The following NAALADL2 variants were observed in gnomAD, a reference collection of about 807,000 sequenced individuals.
NAALADL2 encodes inactive N-acetylated-alpha-linked acidic dipeptidase-like protein 2.
A neutral mutation model predicts 87.2 loss-of-function variants in NAALADL2; 76 were observed. The observed-to-expected ratio is 0.87, with a 90% CI of 0.72 to 1.05. The LOEUF is 1.05. NAALADL2 is among the 50% of genes least tolerant of loss of function. The pLI, the probability that NAALADL2 is intolerant of heterozygous loss-of-function variation, is 0.00. For synonymous variants in NAALADL2, 354 were observed against 331.0 expected, an observed-to-expected ratio of 1.07 and a Z score of -0.75; for missense variants, 1,089 against 945.8, an observed-to-expected ratio of 1.15 and a Z score of -1.99.
intron 5 of NAALADL2, among the ~76,000 whole-genome samples, chr3:175,424,290 T>C (rs1408679757): frequency 6.6e-6 from 1 of 152,194 alleles, no homozygotes; most frequent in Non-Finnish European, 1.5e-5. Flanking sequence ...ATTTTGGCTT[T>C]TGTTGTCATT....
intron 6 of NAALADL2, among the ~76,000 whole-genome samples, chr3:175,458,924 C>T (rs1263205316): frequency 6.6e-6 from 1 of 152,138 alleles, no homozygotes; most frequent in Non-Finnish European, 1.5e-5. Flanking sequence ...CACTTTGCTT[C>T]AATGGCTTAT....
chr3:174,558,375 A>C (rs540028302), intron 2 of NAALADL2, among the ~76,000 whole-genome samples: 21 of 152,248 alleles, frequency 1.4e-4, no homozygotes, highest in Non-Finnish European at 2.5e-4. Context: ...AGGATGATTC[A>C]AGTGCATTCC....
At chr3:174,477,157 T>A (rs1042720377) in intron 1 of NAALADL2, among the ~76,000 whole-genome samples, 2 of 152,014 alleles carry the variant, frequency 1.3e-5, no homozygotes, top group Non-Finnish European at 2.9e-5. Context: ...CACATTAGAT[T>A]TGTTTTGAAA....
intron 2 of NAALADL2, among the ~76,000 whole-genome samples, chr3:174,674,794 A>G (rs1487537466): frequency 6.6e-6 from 1 of 151,972 alleles, no homozygotes; most frequent in East Asian, 1.9e-4. Flanking sequence ...TCATCCCAGA[A>G]TCTACTCAAT....
intron 13 of NAALADL2, among the ~76,000 whole-genome samples, chr3:175,789,947 A>G (rs1752575117): frequency 6.6e-6 from 1 of 152,170 alleles, no homozygotes; most frequent in South Asian, 2.1e-4. Context: ...GGATTGGGCA[A>G]TTGTTTAAAC....
intron 2 of NAALADL2, among the ~76,000 whole-genome samples, chr3:174,729,267 T>C (rs932987132): frequency 6.6e-6 from 1 of 152,022 alleles, no homozygotes; most frequent in Non-Finnish European, 1.5e-5. Context: ...TACTATGTAA[T>C]AAAGTCTGTG....
chr3:174,679,004 T>G (rs2108820725), intron 2 of NAALADL2, among the ~76,000 whole-genome samples: 1 of 152,282 alleles, frequency 6.6e-6, no homozygotes, highest in African/African-American at 2.4e-5. Context: ...TTTTTGTTGT[T>G]ACTGTGCTGT....
chr3:175,327,490 A>G (rs960542263), intron 5 of NAALADL2, among the ~76,000 whole-genome samples: 2 of 151,890 alleles, frequency 1.3e-5, no homozygotes, highest in Non-Finnish European at 1.5e-5. Flanking sequence ...TTGTTTTTTT[A>G]TATGTACGTT....
intron 13 of NAALADL2, among the ~76,000 whole-genome samples, chr3:175,763,216 A>G (rs1364335937): frequency 6.6e-6 from 1 of 152,144 alleles, no homozygotes; most frequent in Non-Finnish European, 1.5e-5. Context: ...CACTTTCTTT[A>G]GGTGTTTGGG....
At chr3:175,180,224 ATTTAT>A (rs1736265959) in intron 2 of NAALADL2, among the ~76,000 whole-genome samples, 1 of 151,976 alleles carries the variant, frequency 6.6e-6, no homozygotes, top group African/African-American at 2.4e-5. Flanking sequence ...GAAAATTTAA[ATTTAT>A]TTAAATAAAA....
intron 5 of NAALADL2, among the ~76,000 whole-genome samples, chr3:175,340,113 AC>A (rs1762420779): frequency 6.6e-6 from 1 of 152,150 alleles, no homozygotes; most frequent in Admixed American, 6.5e-5. Context: ...CAGGATAGGA[AC>A]CATTTTGGTA....
At chr3:175,802,092 T>C (rs1390910390) in intron 13 of NAALADL2, among the ~76,000 whole-genome samples, 10 of 152,116 alleles carry the variant, frequency 6.6e-5, no homozygotes, top group Non-Finnish European at 1.5e-5. Context: ...TCCAAATATC[T>C]GAAGCAAATT....
chr3:174,835,945 G>T (rs989762254), intron 3 of NAALADL2, among the ~76,000 whole-genome samples: 20 of 152,272 alleles, frequency 1.3e-4, no homozygotes, highest in African/African-American at 4.8e-4. Flanking sequence ...CGGTATGGTG[G>T]TTCCTAAACA....
intron 3 of NAALADL2, among the ~76,000 whole-genome samples, chr3:174,844,355 C>G (rs1263612688): frequency 6.6e-6 from 1 of 152,030 alleles, no homozygotes; most frequent in Non-Finnish European, 1.5e-5. Flanking sequence ...TTATGTGTTC[C>G]ATTTTTATGC....
At chr3:174,642,004 C>T (rs1475076316) in intron 2 of NAALADL2, among the ~76,000 whole-genome samples, 1 of 152,066 alleles carries the variant, frequency 6.6e-6, no homozygotes, top group Non-Finnish European at 1.5e-5. Context: ...AGCAATCCTC[C>T]TGCCTTGACC....
chr3:175,636,841 T>G (rs1300664184), intron 11 of NAALADL2, among the ~76,000 whole-genome samples: 1 of 152,158 alleles, frequency 6.6e-6, no homozygotes, highest in Non-Finnish European at 1.5e-5. Flanking sequence ...ACATTCAAAA[T>G]ATGAGGCACT....
At chr3:175,541,041 A>G (rs1179253011) in intron 9 of NAALADL2, among the ~76,000 whole-genome samples, 2 of 152,194 alleles carry the variant, frequency 1.3e-5, no homozygotes, top group African/African-American at 4.8e-5. Flanking sequence ...ACTAGCTACA[A>G]TACTTTCAGA....
At chr3:175,381,412 A>G (rs1260603961) in intron 5 of NAALADL2, among the ~76,000 whole-genome samples, 1 of 151,820 alleles carries the variant, frequency 6.6e-6, no homozygotes, top group East Asian at 1.9e-4. Flanking sequence ...TATTTTCTCT[A>G]TTTAATAATT....
chr3:174,660,688 T>C (rs946906366), intron 2 of NAALADL2, among the ~76,000 whole-genome samples: 1 of 152,162 alleles, frequency 6.6e-6, no homozygotes, highest in African/African-American at 2.4e-5. Context: ...TGAATAGTAA[T>C]TTTCTTCTGG....
Sources: allele counts gnomAD v4.1 joint callset (sites outside exome capture counted in the v4.1 genomes callset), GRCh38; gene constraint gnomAD v4.1.1; transcripts MANE v1.5; gene names NCBI Gene and HGNC (gene_info 2026-07-23, HGNC 2026-07-21).